Variants in MSI2 observed in about 807,000 individuals in gnomAD.
MSI2 encodes musashi RNA binding protein 2.
MSI2 carries 17 observed loss-of-function variants against 45.6 expected under a neutral mutation model. The ratio of observed to expected loss-of-function variants is 0.37; its 90% CI spans 0.26 to 0.56. MSI2 has a LOEUF of 0.56. Among genes scored for constraint, MSI2 ranks in the 20% least tolerant of loss-of-function variants. MSI2 has a pLI of 0.77. For missense variants in MSI2, 293 were observed against 444.2 expected (o/e 0.66, Z 3.06); for synonymous variants, 156 against 158.2 (o/e 0.99, Z 0.11).
intron 9 of MSI2, among the ~76,000 whole-genome samples, chr17:57,623,472 G>A (rs959724901): frequency 1.3e-5 from 2 of 152,132 alleles, no homozygotes; most frequent in Non-Finnish European, 2.9e-5. Context: ...CCCAAAATGG[G>A]GACTCAAAAT....
In MSI2 at chr17:57,412,164, AG is replaced by A. The variant is rs111464979; in HGVS notation, c.405+10694del. ...GCAATTCTCCTGCCTCAGCTTCCTAAGTAGCTGGGTTTACAGGCGTGTGCCA... is the reference window on the plus strand; with the variant it reads ...GCAATTCTCCTGCCTCAGCTTCCTAATAGCTGGGTTTACAGGCGTGTGCCA... On this transcript the variant is annotated intron_variant, in intron 6 of 13. Transcript: ENST00000284073. Among the ~76,000 whole-genome samples the A allele has an allele frequency of 1.4e-3, 213 of 151,684 alleles. 2 individuals carry two copies. Among genetic ancestry groups the A allele is most frequent in the African/African-American group, 4.9e-3 (204 of 41,404 alleles).
intron 6 of MSI2, among the ~76,000 whole-genome samples, chr17:57,478,760 C>G (rs141431801): frequency 6.6e-6 from 1 of 152,174 alleles, no homozygotes; most frequent in Non-Finnish European, 1.5e-5. Flanking sequence ...TGGCCATGGG[C>G]AAGAGGCCAA....
the MSI2 span, among the ~76,000 whole-genome samples, chr17:57,699,044 AGTGTGT>A: frequency 2.4e-4 from 2 of 8,462 alleles, no homozygotes; most frequent in South Asian, 1.9e-3. Flanking sequence ...AGAGAGAGAG[AGTGTGT>A]GTGTGTGTGT....
chr17:57,274,147 A>T (rs2143307207), intron 5 of MSI2: 1 of 152,354 alleles, frequency 6.6e-6, no homozygotes, highest in South Asian at 2.1e-4. Context: ...GGGCCTGAGA[A>T]TATGGGAAAA....
chr17:57,540,900 A>C (rs948223586), intron 7 of MSI2, among the ~76,000 whole-genome samples: 8 of 152,138 alleles, frequency 5.3e-5, no homozygotes, highest in Non-Finnish European at 1.5e-5. Flanking sequence ...GGCAAAGCAG[A>C]GTTTCCTGCC....
chr17:57,583,194 G>T (rs1451343867), intron 7 of MSI2, among the ~76,000 whole-genome samples: 2 of 152,142 alleles, frequency 1.3e-5, no homozygotes, highest in Non-Finnish European at 2.9e-5. Flanking sequence ...TACTTTGTAA[G>T]GGTTGGTTTT....
At position 57,561,967 on chromosome 17, in the gene MSI2, A is replaced by G. The variant is rs552505164; in HGVS notation, c.454+32243A>G. Reference sequence around the variant, plus strand: ...AATTCCGGTTCTTTCTACTTATTATATATATAAGCTACTTAACCTCTCTGA... The same window carrying G: ...AATTCCGGTTCTTTCTACTTATTATGTATATAAGCTACTTAACCTCTCTGA... On this transcript the variant is annotated intron_variant, in intron 7 of 13. Transcript: ENST00000284073. Among the ~76,000 whole-genome samples the G allele has an allele frequency of 6.1e-4, 93 of 152,278 alleles. 1 individual carries two copies. The highest frequency in any genetic ancestry group is 3.4e-3 in the Middle Eastern group (1 of 294).
At chr17:57,571,828 G>A (rs537935795) in intron 7 of MSI2, among the ~76,000 whole-genome samples, 10 of 152,154 alleles carry the variant, frequency 6.6e-5, no homozygotes, top group Non-Finnish European at 1.5e-4. Flanking sequence ...AAATGGGAAA[G>A]CCAATACTTT....
intron 6 of MSI2, among the ~76,000 whole-genome samples, chr17:57,528,679 T>C (rs2086755696): frequency 6.6e-6 from 1 of 152,226 alleles, no homozygotes; most frequent in East Asian, 1.9e-4. Flanking sequence ...GTCTTCTCCC[T>C]GTGTTGGCAC....
At chr17:57,546,177 G>C (rs2087162993) in intron 7 of MSI2, among the ~76,000 whole-genome samples, 1 of 152,202 alleles carries the variant, frequency 6.6e-6, no homozygotes, top group African/African-American at 2.4e-5. Context: ...TTTGAGCCGA[G>C]ACTGGAGACA....
chr17:57,358,627 T>C (rs1280455649), intron 5 of MSI2, among the ~76,000 whole-genome samples: 2 of 152,262 alleles, frequency 1.3e-5, no homozygotes, highest in Non-Finnish European at 1.5e-5. Context: ...AAAGCTTTCA[T>C]TGTGCAAATG....
chr17:57,618,755 G>A (rs1222603003), intron 9 of MSI2, among the ~76,000 whole-genome samples: 7 of 151,946 alleles, frequency 4.6e-5, no homozygotes, highest in Non-Finnish European at 8.8e-5. Context: ...TGTTGGCCAG[G>A]ATGGTCTCGA....
At chr17:57,699,180 A>AGTGTGTGT in the MSI2 span, among the ~76,000 whole-genome samples, 1 of 12,404 alleles carries the variant, frequency 8.1e-5, no homozygotes, top group Non-Finnish European at 1.4e-4. Flanking sequence ...AGAGAGAGAG[A>AGTGTGTGT]GAGTGTGTGT....
the MSI2 span, among the ~76,000 whole-genome samples, chr17:57,700,059 A>T: frequency 6.6e-6 from 1 of 152,264 alleles, no homozygotes; most frequent in African/African-American, 2.4e-5. Context: ...TTATGAAAGC[A>T]TCACTCACTA....
intron 8 of MSI2, among the ~76,000 whole-genome samples, chr17:57,597,858 C>A (rs1194955308): frequency 6.6e-6 from 1 of 152,224 alleles, no homozygotes; most frequent in East Asian, 1.9e-4. Flanking sequence ...CCCTTGCCAT[C>A]AATTAATTTC....
chr17:57,562,290 G>A (rs557686229), intron 7 of MSI2, among the ~76,000 whole-genome samples: 1 of 152,326 alleles, frequency 6.6e-6, no homozygotes, highest in African/African-American at 2.4e-5. Context: ...TGGCCAAGAA[G>A]CTTATGTGTC....
rs539945154 is a variant in MSI2 at position 57,680,132 on chromosome 17, C to T, written c.*615C>T. 3.6e-4 allele frequency: 81 copies of T among 227,188 alleles called. No homozygotes were observed. Among genetic ancestry groups the T allele is most frequent in the Non-Finnish European group, 5.8e-4 (66 of 114,344 alleles). 14.1% of individuals were successfully genotyped at this position (227,188 alleles called of 1,614,324 possible). On this transcript the variant is annotated 3_prime_UTR_variant, in exon 14 of 14. Transcript: ENST00000284073. ...AGGTGGGCGTGAGCTTTCTATTTTG[C>T]GTTGTAGAAGAAGTGAGATGTAGTA...
chr17:57,538,590 G>C (rs914868638), intron 7 of MSI2, among the ~76,000 whole-genome samples: 1 of 152,096 alleles, frequency 6.6e-6, no homozygotes, highest in African/African-American at 2.4e-5. Context: ...TGGAGAGTGC[G>C]GGGCAGCCTG....
chr17:57,467,071 T>G (rs1424492713), intron 6 of MSI2, among the ~76,000 whole-genome samples: 1 of 152,190 alleles, frequency 6.6e-6, no homozygotes, highest in Non-Finnish European at 1.5e-5. Flanking sequence ...TAATCATCCC[T>G]CCCTACTCAC....
Sources: gnomAD v4.1 joint callset for allele counts (sites outside exome capture counted in the v4.1 genomes callset) on GRCh38, gnomAD v4.1.1 for gene constraint, MANE v1.5 for transcripts, NCBI Gene and HGNC (gene_info 2026-07-23, HGNC 2026-07-21) for gene names.